The following SH3RF3 variants were observed in gnomAD, a reference collection of about 807,000 sequenced individuals.
SH3RF3 encodes SH3 domain containing ring finger 3.
A neutral mutation model predicts 66.3 loss-of-function variants in SH3RF3; 29 were observed. The observed-to-expected ratio is 0.44, with a 90% confidence interval of 0.33 to 0.60. The LOEUF (loss-of-function observed/expected upper bound fraction) is 0.60, where lower values mean the gene tolerates loss of function less well. Among genes scored for constraint, SH3RF3 ranks in the 20% least tolerant of loss-of-function variants. SH3RF3 has a pLI of 0.04. For synonymous variants in SH3RF3, 583 were observed against 532.0 expected (o/e 1.10, Z -1.32); for missense variants, 1,194 against 1,190.9 (o/e 1.00, Z -0.04).
At chr2:109,353,336 C>G (rs1012408844) in intron 2 of SH3RF3, among the ~76,000 whole-genome samples, 3 of 152,256 alleles carry the variant, frequency 2.0e-5, no homozygotes, top group African/African-American at 7.2e-5. Context: ...TAGCTCGACC[C>G]TCGTCCTCAG....
intron 1 of SH3RF3, among the ~76,000 whole-genome samples, chr2:109,167,132 T>G (rs1273483008): frequency 2.0e-5 from 3 of 152,242 alleles, no homozygotes; most frequent in Non-Finnish European, 4.4e-5. Context: ...GTAAGTGTTC[T>G]TTATGATATG....
intron 1 of SH3RF3, among the ~76,000 whole-genome samples, chr2:109,271,108 A>G (rs574136664): frequency 5.6e-4 from 86 of 152,348 alleles, no homozygotes; most frequent in African/African-American, 2.0e-3. Context: ...GCACCCAGCC[A>G]GCGAACGGGG....
At chr2:109,306,524 G>C (rs1469412305) in intron 1 of SH3RF3, among the ~76,000 whole-genome samples, 3 of 152,236 alleles carry the variant, frequency 2.0e-5, no homozygotes, top group Non-Finnish European at 4.4e-5. Flanking sequence ...GTACATCTCC[G>C]ACCTGCCCTT....
intron 1 of SH3RF3, among the ~76,000 whole-genome samples, chr2:109,258,972 C>T (rs1471902324): frequency 2.0e-5 from 3 of 152,230 alleles, no homozygotes; most frequent in Non-Finnish European, 4.4e-5. Flanking sequence ...GGGGCATCCG[C>T]ATGCCCTCTC....
intron 1 of SH3RF3, among the ~76,000 whole-genome samples, chr2:109,316,272 G>A (rs1174800189): frequency 6.6e-6 from 1 of 152,144 alleles, no homozygotes; most frequent in Non-Finnish European, 1.5e-5. Flanking sequence ...TCAGTGCTGT[G>A]GGCCTCGGTC....
intron 1 of SH3RF3, among the ~76,000 whole-genome samples, chr2:109,243,727 T>C (rs1330307454): frequency 6.6e-6 from 1 of 152,070 alleles, no homozygotes. Context: ...AGATTGAGCA[T>C]GGTGTTTTCA....
chr2:109,225,879 T>C (rs1351699618), intron 1 of SH3RF3, among the ~76,000 whole-genome samples: 1 of 152,210 alleles, frequency 6.6e-6, no homozygotes, highest in African/African-American at 2.4e-5. Context: ...GATCCTCCCC[T>C]CTCAGCCTCC....
chr2:109,463,268 G>A (rs576351860), intron 8 of SH3RF3, among the ~76,000 whole-genome samples: 1 of 152,390 alleles, frequency 6.6e-6, no homozygotes, highest in East Asian at 1.9e-4. Flanking sequence ...CCAGTTGCCA[G>A]TTGATTACTG....
At chr2:109,259,204 TC>T (rs964899867) in intron 1 of SH3RF3, among the ~76,000 whole-genome samples, 4 of 152,236 alleles carry the variant, frequency 2.6e-5, no homozygotes, top group African/African-American at 9.6e-5. Context: ...TGTAGGCTTC[TC>T]TGGCCTTCAT....
intron 1 of SH3RF3, among the ~76,000 whole-genome samples, chr2:109,240,674 A>G (rs947033499): frequency 6.6e-6 from 1 of 152,112 alleles, no homozygotes; most frequent in Non-Finnish European, 1.5e-5. Context: ...CGAACCAGAG[A>G]GGCCATTAGG....
At chr2:109,145,690 C>T (rs1368584456) in intron 1 of SH3RF3, among the ~76,000 whole-genome samples, 5 of 152,230 alleles carry the variant, frequency 3.3e-5, no homozygotes, top group Admixed American at 6.5e-5. Context: ...GGTTGTTTTA[C>T]AGGTCTTGGG....
intron 1 of SH3RF3, among the ~76,000 whole-genome samples, chr2:109,330,688 TGATG>T (rs915104647): frequency 6.6e-6 from 1 of 152,052 alleles, no homozygotes; most frequent in African/African-American, 2.4e-5. Context: ...GATGGATGAA[TGATG>T]GATGGATACA....
At chr2:109,485,870 G>A (rs1226536448) in intron 8 of SH3RF3, among the ~76,000 whole-genome samples, 1 of 152,232 alleles carries the variant, frequency 6.6e-6, no homozygotes, top group Non-Finnish European at 1.5e-5. Context: ...CAGCCTCATC[G>A]CAAGCCTCCA....
chr2:109,367,999 G>A (rs1683183026), intron 2 of SH3RF3, among the ~76,000 whole-genome samples: 2 of 152,246 alleles, frequency 1.3e-5, no homozygotes, highest in Non-Finnish European at 2.9e-5. Flanking sequence ...GACAGGCAAA[G>A]GAACAAAAGG....
intron 1 of SH3RF3, among the ~76,000 whole-genome samples, chr2:109,134,565 G>A (rs1032799056): frequency 2.4e-4 from 37 of 152,324 alleles, no homozygotes; most frequent in Admixed American, 2.3e-3. Context: ...GGTGTTTTAA[G>A]TGTGGCTCAT....
chr2:109,202,286 C>T (rs891639085), intron 1 of SH3RF3, among the ~76,000 whole-genome samples: 5 of 152,156 alleles, frequency 3.3e-5, no homozygotes, highest in Admixed American at 6.5e-5. Context: ...ATCTCGGCAG[C>T]GTCTGGACCC....
intron 3 of SH3RF3, among the ~76,000 whole-genome samples, chr2:109,393,192 C>T (rs12464315): frequency 0.1 from 15,751 of 152,222 alleles, 997 homozygotes; most frequent in Middle Eastern, 0.22. Flanking sequence ...TGGCCTCTGC[C>T]GCACTCAGCC....
At chr2:109,179,047 C>T (rs1272747727) in intron 1 of SH3RF3, among the ~76,000 whole-genome samples, 1 of 79,658 alleles carries the variant, frequency 1.3e-5, no homozygotes, top group Non-Finnish European at 3.2e-5. Flanking sequence ...ATTTTTAAAC[C>T]AGAATGAGAG....
At chr2:109,399,933 C>A (rs1048546295) in intron 4 of SH3RF3, among the ~76,000 whole-genome samples, 5 of 152,240 alleles carry the variant, frequency 3.3e-5, no homozygotes, top group Non-Finnish European at 7.3e-5. Flanking sequence ...CCCTGCGCTG[C>A]AGCCTTCCAC....
Sources: allele counts gnomAD v4.1 joint callset (sites outside exome capture counted in the v4.1 genomes callset), GRCh38; gene constraint gnomAD v4.1.1; transcripts MANE v1.5; gene names NCBI Gene and HGNC (gene_info 2026-07-23, HGNC 2026-07-21).